Variants in PPIH observed in about 807,000 individuals in gnomAD.
PPIH encodes peptidyl-prolyl cis-trans isomerase H.
Under a neutral mutation model 27.6 loss-of-function variants are expected in PPIH, and 16 were observed. That is an observed-to-expected ratio of 0.58 (90% CI 0.39 to 0.88). The LOEUF (loss-of-function observed/expected upper bound fraction) is 0.88, where lower values mean the gene tolerates loss of function less well. Ranked by LOEUF, PPIH falls within the 40% of genes least tolerant of loss-of-function variation. PPIH has a pLI of 0.00. For synonymous variants in PPIH, 63 were observed against 76.1 expected (o/e 0.83, Z 0.90); for missense variants, 155 against 224.1 (o/e 0.69, Z 1.97).
intron 9 of PPIH, among the ~76,000 whole-genome samples, chr1:42,670,758 G>A (rs1208837341): frequency 6.6e-6 from 1 of 152,116 alleles, no homozygotes; most frequent in Non-Finnish European, 1.5e-5. Context: ...TGTGGCTGGT[G>A]CAACTGAGGG....
chr1:42,663,853 C>T (rs1251420066), intron 5 of PPIH, among the ~76,000 whole-genome samples: 1 of 152,120 alleles, frequency 6.6e-6, no homozygotes, highest in African/African-American at 2.4e-5. Flanking sequence ...CAGTGTTTTC[C>T]CTTTCTCCCA....
At chr1:42,674,761 G>T (rs374333741) in intron 9 of PPIH, among the ~76,000 whole-genome samples, 1 of 152,160 alleles carries the variant, frequency 6.6e-6, no homozygotes, top group African/African-American at 2.4e-5. Flanking sequence ...TGAAAATATG[G>T]GTCTGGGGAA....
At chr1:42,672,144 A>G (rs1649672068) in intron 9 of PPIH, among the ~76,000 whole-genome samples, 1 of 151,954 alleles carries the variant, frequency 6.6e-6, no homozygotes, top group Admixed American at 6.6e-5. Flanking sequence ...CGGACTCCCA[A>G]AGTGCTGGGA....
chr1:42,658,652 G>C, intron 1 of PPIH, 140 bp downstream of exon 1: 1 of 1,151,026 alleles, frequency 8.7e-7, no homozygotes, highest in Non-Finnish European at 1.3e-6. Context: ...CCTGCCGGGC[G>C]GGGGGAAAGG....
At chr1:42,658,703 A>G in intron 1 of PPIH, 141 bp from the exon 2 acceptor site, 1 of 1,162,540 alleles carries the variant, frequency 8.6e-7, no homozygotes, top group East Asian at 2.4e-5. Context: ...CCGCTTCTGG[A>G]GGAACTGGGC....
chr1:42,661,577 T>C (rs1649018591), intron 5 of PPIH, among the ~76,000 whole-genome samples: 1 of 152,188 alleles, frequency 6.6e-6, no homozygotes, highest in South Asian at 2.1e-4. Context: ...TTAAACCTGC[T>C]TTTGTCCTTA....
downstream of PPIH, among the ~76,000 whole-genome samples, chr1:42,678,060 G>A (rs371435520): frequency 2.0e-5 from 3 of 152,308 alleles, no homozygotes; most frequent in Admixed American, 6.5e-5. Flanking sequence ...GGGCCCTACA[G>A]TACAGACATT....
At chr1:42,663,511 G>T (rs181331953) in intron 5 of PPIH, among the ~76,000 whole-genome samples, 7 of 151,778 alleles carry the variant, frequency 4.6e-5, no homozygotes, top group African/African-American at 1.7e-4. Context: ...AGCGATTCTC[G>T]TGCCTCAGCC....
In PPIH at chr1:42,665,968, G is replaced by C. The variant is rs748856858; in HGVS notation, c.337-12G>C. ...GGGGAAACTTACTGCAGGTATATTT[G>C]GTTTCCATCAGGCGAACAGTGGTCC... On this transcript the variant is annotated splice_polypyrimidine_tract_variant and intron_variant, in intron 6 of 9. Transcript: ENST00000304979. 2 of 1,611,658 alleles carry C rather than the reference G, an allele frequency of 1.2e-6. No homozygotes were observed. The highest frequency in any genetic ancestry group is 4.5e-5 in the East Asian group (2 of 44,862).
Position 42,674,014 on chromosome 1 carries a change from T to C in PPIH, c.*22-2570T>C, listed in dbSNP as rs146828588. ...GTTGGTGGCAGTTGGGCTGGTCCTCTATTCATTCCACAACTAAGCGCTGAT... is the reference window on the plus strand; with the variant it reads ...GTTGGTGGCAGTTGGGCTGGTCCTCCATTCATTCCACAACTAAGCGCTGAT... On this transcript the variant is annotated intron_variant, in intron 9 of 9. Transcript: ENST00000304979. Among the ~76,000 whole-genome samples the C allele has an allele frequency of 2.8e-3, 432 of 152,376 alleles. 1 individual carries two copies. Among genetic ancestry groups the C allele is most frequent in the African/African-American group, 0.01 (418 of 41,596 alleles).
At chr1:42,679,355 C>G (rs1173961607), downstream of PPIH, among the ~76,000 whole-genome samples, 1 of 152,138 alleles carries the variant, frequency 6.6e-6, no homozygotes, top group Non-Finnish European at 1.5e-5. Flanking sequence ...ATGCCCAGAT[C>G]ATTTTTGTAT....
At chr1:42,679,103 G>A (rs1238537028), downstream of PPIH, among the ~76,000 whole-genome samples, 1 of 152,252 alleles carries the variant, frequency 6.6e-6, no homozygotes, top group African/African-American at 2.4e-5. Flanking sequence ...GAGCTCCCAG[G>A]ATGGCAGGGA....
intron 9 of PPIH, among the ~76,000 whole-genome samples, chr1:42,676,169 G>A (rs1381881492): frequency 1.3e-5 from 2 of 152,160 alleles, no homozygotes; most frequent in African/African-American, 2.4e-5. Flanking sequence ...GATTAGGAGT[G>A]TAGAGAATAG....
chr1:42,675,011 G>A (rs1282302914), intron 9 of PPIH, among the ~76,000 whole-genome samples: 2 of 152,192 alleles, frequency 1.3e-5, no homozygotes, highest in Non-Finnish European at 2.9e-5. Context: ...AAATAAAGAG[G>A]TAGATCTGGA....
chr1:42,676,864 T>A (rs1649908443), downstream of PPIH: 1 of 152,216 alleles, frequency 6.6e-6, no homozygotes, highest in African/African-American at 2.4e-5. Flanking sequence ...CTGGCACTCC[T>A]CAGAGGCCAG....
At chr1:42,659,729 T>C (rs568652480) in intron 4 of PPIH, among the ~76,000 whole-genome samples, 163 bp downstream of exon 4, 1 of 152,234 alleles carries the variant, frequency 6.6e-6, no homozygotes, top group Non-Finnish European at 1.5e-5. Flanking sequence ...CTAACTCTAC[T>C]TACACTCCCC....
At chr1:42,670,596 C>T (rs2148722431) in intron 9 of PPIH, among the ~76,000 whole-genome samples, 1 of 151,862 alleles carries the variant, frequency 6.6e-6, no homozygotes, top group South Asian at 2.1e-4. Flanking sequence ...CAGCCTGCAA[C>T]CCAAGCAGAA....
intron 2 of PPIH, 35 bp from the exon 3 acceptor site, chr1:42,659,193 T>C (rs936286632): frequency 6.2e-7 from 1 of 1,613,908 alleles, no homozygotes; most frequent in South Asian, 1.1e-5. Flanking sequence ...TGTGACATCA[T>C]AGTGATTGAA....
downstream of PPIH, among the ~76,000 whole-genome samples, chr1:42,676,950 C>G (rs968028518): frequency 1.1e-4 from 17 of 152,068 alleles, no homozygotes; most frequent in African/African-American, 1.9e-4. Context: ...AAACCTAACT[C>G]TCTTAGGTTA....
Sources: allele counts gnomAD v4.1 joint callset (sites outside exome capture counted in the v4.1 genomes callset), GRCh38; gene constraint gnomAD v4.1.1; transcripts MANE v1.5; gene names NCBI Gene and HGNC (gene_info 2026-07-23, HGNC 2026-07-21).